MAP2K4: variants seen among roughly 807,000 people sequenced by gnomAD.
MAP2K4 encodes mitogen-activated protein kinase kinase 4.
Under a neutral mutation model 48.5 loss-of-function variants are expected in MAP2K4, and 4 were observed. The observed-to-expected ratio is 0.08, with a 90% CI of 0.04 to 0.19. MAP2K4 has a LOEUF of 0.19. Among genes scored for constraint, MAP2K4 ranks in the 10% least tolerant of loss-of-function variants. MAP2K4 has a pLI of 1.00. For synonymous variants in MAP2K4, 166 were observed against 173.1 expected (o/e 0.96, Z 0.32); for missense variants, 258 against 493.3 (o/e 0.52, Z 4.52).
chr17:12,113,132 C>T lies in MAP2K4; in HGVS notation c.686-101C>T, dbSNP rs1597480063. 4 of 1,029,880 alleles carry T rather than the reference C, an allele frequency of 3.9e-6. No individual in the cohort carries two copies. In the East Asian group the frequency reaches 7.2e-5, roughly 19 times the overall value. The allele number at this position is 1,029,880 out of a possible 1,614,324, so 63.8% of individuals were successfully genotyped here. A position where few individuals can be genotyped will look rare whatever the true frequency, so the allele number is the denominator to read the frequency against. ...ATATCTGAATTTAAGGACTTGACCA[C>T]TTATGTTGTCTAAGGTTTTTCAATA... is the stretch of plus-strand genomic sequence containing the variant. On this transcript the variant is annotated intron_variant, in intron 6 of 10. Transcript: ENST00000353533.
At chr17:12,046,954 C>T (rs1969983872) in intron 1 of MAP2K4, among the ~76,000 whole-genome samples, 1 of 152,124 alleles carries the variant, frequency 6.6e-6, no homozygotes, top group African/African-American at 2.4e-5. Context: ...AGGTAGTCTA[C>T]AAGTAGAATG....
Position 12,142,405 on chromosome 17 carries a change from C to T in MAP2K4, c.*1145C>T, listed in dbSNP as rs568630474. The T allele has an allele frequency of 5.1e-5, 12 of 233,028 alleles. No individual in the cohort carries two copies. The highest frequency in any genetic ancestry group is 1.8e-4 in the South Asian group (1 of 5,516). 14.4% of individuals were successfully genotyped at this position (233,028 alleles called of 1,614,324 possible). A position where few individuals can be genotyped will look rare whatever the true frequency, so the allele number is the denominator to read the frequency against. ...TGGTCTATTGTCGCTATGTGACTTG[C>T]GCTTAATCCAATATTTTGCCTTTTT... On this transcript the variant is annotated 3_prime_UTR_variant, in exon 11 of 11. Transcript: ENST00000353533.
intron 2 of MAP2K4, among the ~76,000 whole-genome samples, chr17:12,070,715 A>G (rs1002564868): frequency 2.6e-5 from 4 of 152,208 alleles, no homozygotes; most frequent in Non-Finnish European, 5.9e-5. Context: ...TTTTGTAAGT[A>G]AAGTTTTATT....
chr17:12,135,572 C>T (rs1366917849), intron 9 of MAP2K4, among the ~76,000 whole-genome samples: 2 of 151,454 alleles, frequency 1.3e-5, no homozygotes, highest in Non-Finnish European at 2.9e-5. Flanking sequence ...TTATTTAGGA[C>T]AGAGTCTGGC....
At chr17:12,134,539 T>TA (rs1973141580) in intron 9 of MAP2K4, among the ~76,000 whole-genome samples, 1 of 152,088 alleles carries the variant, frequency 6.6e-6, no homozygotes, top group African/African-American at 2.4e-5. Flanking sequence ...GAACATGAGG[T>TA]AAATGGTAAG....
At position 12,025,178 on chromosome 17, in the gene MAP2K4, A is replaced by G. The variant is rs188951710; in HGVS notation, c.115+4177A>G. On this transcript the variant is annotated intron_variant, in intron 1 of 10. Coordinates refer to ENST00000353533, the MANE Select transcript of MAP2K4 (RefSeq NM_003010.4). ...GCACTGGACTTAGACTCAGAAAACCATGGTTAAGGTAACTGCTCTGCTGTT... is the reference window on the plus strand; with the variant it reads ...GCACTGGACTTAGACTCAGAAAACCGTGGTTAAGGTAACTGCTCTGCTGTT... Among the ~76,000 whole-genome samples the G allele has an allele frequency of 1.7e-4, 26 of 152,322 alleles. No individual in the cohort carries two copies. The East Asian group carries it at 2.3e-3, about 14-fold the overall frequency.
At chr17:12,042,186 AAAAAG>A (rs1248282412) in intron 1 of MAP2K4, among the ~76,000 whole-genome samples, 5 of 151,342 alleles carry the variant, frequency 3.3e-5, no homozygotes, top group African/African-American at 9.7e-5. Context: ...AAAAAAAAAA[AAAAAG>A]GTACCATGTA....
In MAP2K4 at chr17:12,142,503, T is replaced by C. The variant is rs1432379329; in HGVS notation, c.*1243T>C. 1.3e-5 allele frequency: 3 copies of C among 232,928 alleles called. No homozygotes were observed. Among genetic ancestry groups the C allele is most frequent in the African/African-American group, 4.4e-5 (2 of 45,338 alleles). 14.4% of individuals were successfully genotyped at this position (232,928 alleles called of 1,614,324 possible). On this transcript the variant is annotated 3_prime_UTR_variant, in exon 11 of 11. Transcript: ENST00000353533. ...GATTTTTAGCCCCAAATCTCTCATA[T>C]TCGCTAGTGTTTAAAAGGCTAAGAA...
chr17:12,090,482 G>A (rs558138174), intron 3 of MAP2K4, among the ~76,000 whole-genome samples: 1 of 152,126 alleles, frequency 6.6e-6, no homozygotes, highest in African/African-American at 2.4e-5. Context: ...ATGCTACTTG[G>A]TGACCTGCTT....
intron 4 of MAP2K4, among the ~76,000 whole-genome samples, chr17:12,097,656 T>C (rs1456228059): frequency 2.0e-5 from 3 of 152,250 alleles, no homozygotes; most frequent in Non-Finnish European, 2.9e-5. Context: ...TTTTCACATA[T>C]GTTTTCTTCC....
At chr17:12,021,798 CAG>C (rs957385258) in intron 1 of MAP2K4, among the ~76,000 whole-genome samples, 6 of 146,110 alleles carry the variant, frequency 4.1e-5, no homozygotes, top group African/African-American at 1.3e-4. Flanking sequence ...AGGAAATAGA[CAG>C]GGGTCAAAGT....
rs1973308061 is a variant in MAP2K4, at chr17:12,139,466, ATC to A, written c.1041-371_1041-370del. 1.3e-5 allele frequency among the ~76,000 whole-genome samples: 2 copies of A among 152,336 alleles called. 1 individual carries two copies. Among genetic ancestry groups the A allele is most frequent in the South Asian group, 4.1e-4 (2 of 4,834 alleles). ...TCTCTTGGGTAGTATCTGCATAAAT[ATC>A]TGTCTACTTATTTATTTACATTTAG... On this transcript the variant is annotated intron_variant, in intron 9 of 10. Coordinates refer to ENST00000353533, the MANE Select transcript of MAP2K4 (RefSeq NM_003010.4).
intron 6 of MAP2K4, among the ~76,000 whole-genome samples, chr17:12,112,247 G>A (rs955109156): frequency 6.6e-6 from 1 of 152,108 alleles, no homozygotes; most frequent in African/African-American, 2.4e-5. Context: ...TGGATCACTT[G>A]AGGTCAGAAG....
intron 1 of MAP2K4, among the ~76,000 whole-genome samples, chr17:12,053,783 A>G (rs1004798364): frequency 6.6e-6 from 1 of 152,084 alleles, no homozygotes; most frequent in Non-Finnish European, 1.5e-5. Flanking sequence ...TCTCTTTGCC[A>G]TCTTCTCCAT....
At chr17:12,130,118 G>A (rs1386202836) in intron 9 of MAP2K4, among the ~76,000 whole-genome samples, 3 of 151,966 alleles carry the variant, frequency 2.0e-5, no homozygotes, top group Non-Finnish European at 4.4e-5. Flanking sequence ...ATTTTTTCCT[G>A]CTAAGAATGC....
intron 1 of MAP2K4, among the ~76,000 whole-genome samples, chr17:12,034,413 A>T (rs1567625512): frequency 6.6e-6 from 1 of 152,178 alleles, no homozygotes; most frequent in Non-Finnish European, 1.5e-5. Flanking sequence ...ATTCACCTTG[A>T]TTGCCCTCAC....
intron 7 of MAP2K4, among the ~76,000 whole-genome samples, chr17:12,118,175 A>C (rs908468995): frequency 2.0e-5 from 3 of 152,202 alleles, no homozygotes; most frequent in Non-Finnish European, 4.4e-5. Context: ...TGAATTCGCC[A>C]GGGTTATTGA....
At chr17:12,038,897 C>T (rs1969690234) in intron 1 of MAP2K4, among the ~76,000 whole-genome samples, 2 of 152,104 alleles carry the variant, frequency 1.3e-5, no homozygotes, top group Non-Finnish European at 2.9e-5. Flanking sequence ...GCAGTTGGCG[C>T]TTATAGGAAT....
intron 8 of MAP2K4, among the ~76,000 whole-genome samples, chr17:12,126,435 TCA>T (rs1319809320): frequency 6.6e-6 from 1 of 152,212 alleles, no homozygotes; most frequent in Non-Finnish European, 1.5e-5. Context: ...CAGAAATTTC[TCA>T]CAGTTTCGGA....
Sources: gnomAD v4.1 joint callset for allele counts (sites outside exome capture counted in the v4.1 genomes callset) on GRCh38, gnomAD v4.1.1 for gene constraint, MANE v1.5 for transcripts, NCBI Gene and HGNC (gene_info 2026-07-23, HGNC 2026-07-21) for gene names.